The following TACC1 variants were observed in gnomAD, a reference collection of about 807,000 sequenced individuals.
TACC1 encodes the protein transforming acidic coiled-coil containing protein 1.
In TACC1, 48 loss-of-function variants were observed where a neutral mutation model predicts 84.4. The observed-to-expected ratio is 0.57, with a 90% CI of 0.45 to 0.72. TACC1 has a LOEUF of 0.72. Among genes scored for constraint, TACC1 ranks in the 30% least tolerant of loss-of-function variants. The probability of loss-of-function intolerance (pLI) is 0.00; values close to 1 mark genes in which losing one functional copy is unlikely to be tolerated. For synonymous variants in TACC1, 372 were observed against 376.3 expected (o/e 0.99, Z 0.13); for missense variants, 920 against 973.0 (o/e 0.95, Z 0.72).
Position 38,819,952 on chromosome 8 carries a change from C to T in TACC1, c.708C>T (p.Val236=). ...RRSKLRKPKP[V]PLRKKAIGGE... ...GCAAGCTGAGAAAGCCCAAGCCTGTCCCCCTGAGGAAGAAAGCAATTGGAG... is the reference window on the plus strand; with the variant it reads ...GCAAGCTGAGAAAGCCCAAGCCTGTTCCCCTGAGGAAGAAAGCAATTGGAG... The change falls in exon 3 of 13, where the codon GTC becomes GTT. Residue 236 remains valine, a synonymous_variant. Transcript: ENST00000317827. 2.5e-6 allele frequency: 4 copies of T among 1,614,148 alleles called. No individual in the cohort carries two copies. The highest frequency in any genetic ancestry group is 3.4e-6 in the Non-Finnish European group (4 of 1,180,040).
At chr8:38,745,451 T>C in exon 3 of TACC1, 1 of 674,736 alleles carries the variant, frequency 1.5e-6, no homozygotes, top group Non-Finnish European at 2.7e-6. Flanking sequence ...GAAAAGTCAA[T>C]CAAATCTGAC....
In TACC1 at chr8:38,781,484, C is replaced by T. The variant is rs574913739; in HGVS notation, c.27-7220C>T. Reference sequence around the variant, plus strand: ...GCAACTTCTGCCTCCTGGGTTCAAGCGATTCTCTTGTGTCAGCCGTCTGAG... The same window carrying T: ...GCAACTTCTGCCTCCTGGGTTCAAGTGATTCTCTTGTGTCAGCCGTCTGAG... On this transcript the variant is annotated intron_variant, in intron 3 of 14. Coordinates refer to the TACC1 transcript ENST00000518415. Among the ~76,000 whole-genome samples the T allele has an allele frequency of 6.3e-4, 95 of 151,374 alleles. 1 individual carries two copies. The highest frequency in any genetic ancestry group is 2.1e-3 in the African/African-American group (86 of 41,228).
intron 2 of TACC1, among the ~76,000 whole-genome samples, chr8:38,809,100 C>CG (rs1823452134): frequency 6.6e-6 from 1 of 152,008 alleles, no homozygotes; most frequent in African/African-American, 2.4e-5. Context: ...GGGGACTGAG[C>CG]GGGGTGGTGT....
At chr8:38,839,379 GA>G (rs1372627181) in intron 8 of TACC1, 2 of 393,724 alleles carry the variant, frequency 5.1e-6, no homozygotes, top group Non-Finnish European at 9.0e-6. Flanking sequence ...AAGTAGAGAA[GA>G]AAAAAAGGCA....
At chr8:38,767,523 A>T (rs1022747034) in intron 3 of TACC1, among the ~76,000 whole-genome samples, 1 of 152,204 alleles carries the variant, frequency 6.6e-6, no homozygotes, top group Non-Finnish European at 1.5e-5. Context: ...AATAATGGGG[A>T]AGAAGAGAGA....
At chr8:38,847,184 T>TG (rs1321844436) in intron 12 of TACC1, among the ~76,000 whole-genome samples, 1 of 152,182 alleles carries the variant, frequency 6.6e-6, no homozygotes, top group African/African-American at 2.4e-5. Flanking sequence ...GGTTTGCAGT[T>TG]GGGGGCAGTT....
chr8:38,832,939 G>A (rs6474506), intron 6 of TACC1, among the ~76,000 whole-genome samples: 58,118 of 152,036 alleles, frequency 0.38, 11,371 homozygotes, highest in African/African-American at 0.46. Context: ...ATTGAGTTCT[G>A]TTGTCTATAG....
intron 3 of TACC1, among the ~76,000 whole-genome samples, chr8:38,749,293 G>C (rs1489947020): frequency 1.3e-5 from 2 of 152,138 alleles, no homozygotes; most frequent in Non-Finnish European, 2.9e-5. Flanking sequence ...AACTTACTGA[G>C]AGAATTCTGG....
intron 3 of TACC1, chr8:38,757,115 C>A (rs991947344): frequency 1.9e-5 from 9 of 470,398 alleles, no homozygotes; most frequent in African/African-American, 1.7e-4. Flanking sequence ...CAGGCGGCAG[C>A]ACCCGCGGGG....
intron 2 of TACC1, among the ~76,000 whole-genome samples, chr8:38,789,635 G>A (rs1289030859): frequency 1.3e-5 from 2 of 152,210 alleles, no homozygotes; most frequent in Non-Finnish European, 2.9e-5. Flanking sequence ...GAAGGCTGAA[G>A]GGGAGTTAGT....
intron 3 of TACC1, among the ~76,000 whole-genome samples, chr8:38,774,054 G>A (rs1040475804): frequency 6.6e-6 from 1 of 152,130 alleles, no homozygotes; most frequent in African/African-American, 2.4e-5. Context: ...CCTCCCTCCA[G>A]CAGCTGCTCT....
chr8:38,836,437 T>C (rs970859865), intron 7 of TACC1, 150 bp downstream of exon 7: 37 of 1,032,326 alleles, frequency 3.6e-5, no homozygotes, highest in Non-Finnish European at 4.7e-5. Context: ...AAGGGCCCCC[T>C]GTGGCAGTGG....
intron 1 of TACC1, among the ~76,000 whole-genome samples, chr8:38,741,098 C>T (rs940895784): frequency 6.6e-6 from 1 of 151,716 alleles, no homozygotes; most frequent in Non-Finnish European, 1.5e-5. Context: ...CATTTTCAGG[C>T]TCTGTAGACC....
chr8:38,820,282 T>C lies in TACC1; in HGVS notation c.1038T>C (p.Gly346=), dbSNP rs753659776. The change falls in exon 3 of 13, where the codon GGT becomes GGC. Residue 346 remains glycine, a synonymous_variant. Coordinates refer to ENST00000317827, the MANE Select transcript of TACC1 (RefSeq NM_006283.3). Reference sequence around the variant, plus strand: ...CAAGGAAGCTTGGCAGGAAACTGGGTAGCACACTGACTCCCAAGATACAAA... The same window carrying C: ...CAAGGAAGCTTGGCAGGAAACTGGGCAGCACACTGACTCCCAAGATACAAA... ...ALPRKLGRKL[G]STLTPKIQKD... 2 of 1,614,038 alleles carry C rather than the reference T, an allele frequency of 1.2e-6. No homozygotes were observed. Among genetic ancestry groups the C allele is most frequent in the East Asian group, 4.5e-5 (2 of 44,866 alleles).
At chr8:38,808,117 C>T (rs986304040) in intron 2 of TACC1, among the ~76,000 whole-genome samples, 2 of 152,316 alleles carry the variant, frequency 1.3e-5, no homozygotes, top group Non-Finnish European at 1.5e-5. Flanking sequence ...TTCACCAAGC[C>T]GCCAGGCAAT....
At chr8:38,776,707 G>A (rs180974399) in intron 3 of TACC1, among the ~76,000 whole-genome samples, 13 of 152,316 alleles carry the variant, frequency 8.5e-5, no homozygotes, top group African/African-American at 2.9e-4. Flanking sequence ...CAAGCAAAAC[G>A]TTTTGGATTT....
chr8:38,746,368 C>T (rs575498690), intron 3 of TACC1, among the ~76,000 whole-genome samples: 64 of 152,228 alleles, frequency 4.2e-4, no homozygotes, highest in African/African-American at 1.5e-3. Flanking sequence ...GAGTGGACTT[C>T]GTTATGTCCC....
intron 1 of TACC1, among the ~76,000 whole-genome samples, chr8:38,732,718 A>T (rs1282960181): frequency 1.3e-5 from 2 of 152,222 alleles, no homozygotes; most frequent in African/African-American, 4.8e-5. Context: ...CCCGGTTTGC[A>T]AATAGCGATA....
intron 3 of TACC1, 116 bp downstream of exon 3, chr8:38,820,751 A>G: frequency 1.4e-6 from 2 of 1,404,362 alleles, no homozygotes; most frequent in South Asian, 2.7e-5. Context: ...CGAGGTTCAT[A>G]CAAAGCTTAT....
Sources: gnomAD v4.1 joint callset for allele counts (sites outside exome capture counted in the v4.1 genomes callset) on GRCh38, gnomAD v4.1.1 for gene constraint, MANE v1.5 for transcripts, NCBI Gene and HGNC (gene_info 2026-07-23, HGNC 2026-07-21) for gene names.